MBNL1: variants seen among roughly 807,000 people sequenced by gnomAD.
The protein encoded by MBNL1 is muscleblind-like protein 1.
In MBNL1, 8 loss-of-function variants were observed where a neutral mutation model predicts 42.2. The observed-to-expected ratio is 0.19, with a 90% CI of 0.11 to 0.34. MBNL1 has a LOEUF of 0.34. MBNL1 is among the 10% of genes least tolerant of loss of function. The probability of loss-of-function intolerance (pLI) is 1.00; values close to 1 mark genes in which losing one functional copy is unlikely to be tolerated. For missense variants in MBNL1, 309 were observed against 495.3 expected, an observed-to-expected ratio of 0.62 and a Z score of 3.57; for synonymous variants, 169 against 173.9, an observed-to-expected ratio of 0.97 and a Z score of 0.22.
intron 3 of MBNL1, among the ~76,000 whole-genome samples, chr3:152,428,066 C>A (rs2098958491): frequency 6.6e-6 from 1 of 151,078 alleles, no homozygotes; most frequent in Admixed American, 6.6e-5. Flanking sequence ...AATTGCAAAA[C>A]AAAAGGAAAA....
rs919389934 is a variant in MBNL1 at position 152,463,639 on chromosome 3, T to A, written c.*1273T>A. 1.3e-5 allele frequency: 2 copies of A among 152,552 alleles called. No homozygotes were observed. The highest frequency in any genetic ancestry group is 4.8e-5 in the African/African-American group (2 of 41,458). The allele number at this position is 152,552 out of a possible 1,614,324, so 9.4% of individuals were successfully genotyped here. On this transcript the variant is annotated 3_prime_UTR_variant, in exon 10 of 10. Coordinates refer to ENST00000324210, the MANE Select transcript of MBNL1 (RefSeq NM_021038.5). ...TTTTATATGTGATTTTTGTTTTGTT[T>A]TGTTTTGTTCAGATTAACTGCTTAT...
chr3:152,317,092 CA>C (rs551091987), intron 2 of MBNL1, among the ~76,000 whole-genome samples: 1 of 151,246 alleles, frequency 6.6e-6, no homozygotes, highest in Non-Finnish European at 1.5e-5. Flanking sequence ...AAAAAGCAAA[CA>C]AAAAAAAGCT....
At chr3:152,277,648 A>T (rs1273944661) in intron 1 of MBNL1, among the ~76,000 whole-genome samples, 2 of 152,246 alleles carry the variant, frequency 1.3e-5, no homozygotes, top group East Asian at 3.9e-4. Flanking sequence ...TAGAATAGAA[A>T]GCTTTATTGG....
At chr3:152,415,803 T>C (rs937402515) in intron 3 of MBNL1, among the ~76,000 whole-genome samples, 1 of 152,314 alleles carries the variant, frequency 6.6e-6, no homozygotes, top group Middle Eastern at 3.4e-3. Flanking sequence ...AAACACACAT[T>C]TCTATTTAAC....
chr3:152,438,910 A>G (rs1307149730), intron 4 of MBNL1, among the ~76,000 whole-genome samples: 1 of 152,330 alleles, frequency 6.6e-6, no homozygotes, highest in Non-Finnish European at 1.5e-5. Context: ...TTCATATTAC[A>G]TAGGCGTAAT....
intron 1 of MBNL1, among the ~76,000 whole-genome samples, chr3:152,282,848 A>G (rs1187710361): frequency 6.6e-6 from 1 of 152,196 alleles, no homozygotes; most frequent in African/African-American, 2.4e-5. Flanking sequence ...AACAAGAGAA[A>G]TAGCATCACA....
At chr3:152,335,439 T>C (rs1432414305) in intron 2 of MBNL1, among the ~76,000 whole-genome samples, 3 of 152,242 alleles carry the variant, frequency 2.0e-5, no homozygotes, top group African/African-American at 7.2e-5. Context: ...TATTCTCTGC[T>C]TCACTACTTG....
intron 3 of MBNL1, among the ~76,000 whole-genome samples, chr3:152,420,902 A>C (rs529591785): frequency 1.3e-5 from 2 of 152,328 alleles, no homozygotes; most frequent in South Asian, 4.1e-4. Context: ...TAACTGAATA[A>C]CCAGTTTAGA....
At position 152,328,518 on chromosome 3, in the gene MBNL1, A is replaced by C. The variant is rs184307194; in HGVS notation, c.174+28151A>C. ...GTGATATAGCTGTTCTAGATATTTG[A>C]GATTAGGGTTGAGGCAAATTGTTGA... is the stretch of plus-strand genomic sequence containing the variant. On this transcript the variant is annotated intron_variant, in intron 2 of 9. Transcript: ENST00000324210. 1.7e-3 allele frequency among the ~76,000 whole-genome samples: 257 copies of C among 152,262 alleles called. 2 individuals carry two copies. The highest frequency in any genetic ancestry group is 0.013 in the Admixed American group (204 of 15,298).
At chr3:152,340,661 G>C (rs751160713) in intron 2 of MBNL1, 1 of 1,614,006 alleles carries the variant, frequency 6.2e-7, no homozygotes, top group African/African-American at 1.3e-5. Context: ...CAGAGTGTTA[G>C]AATCTTATTC....
At chr3:152,313,053 C>T (rs900895131) in intron 2 of MBNL1, among the ~76,000 whole-genome samples, 16 of 150,736 alleles carry the variant, frequency 1.1e-4, no homozygotes, top group African/African-American at 3.9e-4. Flanking sequence ...GACGGAGTCT[C>T]GCCCTTTCAC....
At position 152,364,777 on chromosome 3, in the gene MBNL1, TGA is replaced by T. The variant is rs1578743940; in HGVS notation, c.175-50157_175-50156del. Among the ~76,000 whole-genome samples the T allele has an allele frequency of 4.6e-5, 7 of 152,062 alleles. No individual in the cohort carries two copies. In the East Asian group the frequency reaches 1.2e-3, roughly 25 times the overall value. The stretch of plus-strand genomic sequence containing the variant: ...GGGAAAAAAAATTGGTCAGATACTG[TGA>T]GAGAGATTTCAAAAGAATAGGGAGT... On this transcript the variant is annotated intron_variant, in intron 2 of 9. Transcript: ENST00000324210.
intron 2 of MBNL1, among the ~76,000 whole-genome samples, chr3:152,353,145 C>G (rs1003774577): frequency 6.6e-6 from 1 of 152,178 alleles, no homozygotes; most frequent in African/African-American, 2.4e-5. Context: ...AAACACACCT[C>G]AGTCTCAGAA....
At chr3:152,276,792 A>T (rs1206349657) in intron 1 of MBNL1, among the ~76,000 whole-genome samples, 1 of 152,146 alleles carries the variant, frequency 6.6e-6, no homozygotes, top group African/African-American at 2.4e-5. Context: ...TTAGGGTAGT[A>T]ACCTTACAGG....
intron 9 of MBNL1, among the ~76,000 whole-genome samples, chr3:152,460,129 CTG>C (rs1188424733): frequency 1.3e-5 from 2 of 151,828 alleles, no homozygotes; most frequent in Non-Finnish European, 2.9e-5. Flanking sequence ...GTAGCACACT[CTG>C]TAGTTCCAGC....
chr3:152,271,666 G>A (rs73026353), intron 1 of MBNL1, among the ~76,000 whole-genome samples: 21 of 152,272 alleles, frequency 1.4e-4, no homozygotes, highest in African/African-American at 4.8e-4. Context: ...AGTCAAAAGA[G>A]TGGAGGAAAG....
intron 1 of MBNL1, among the ~76,000 whole-genome samples, chr3:152,278,997 G>C (rs549017981): frequency 1.3e-5 from 2 of 152,160 alleles, no homozygotes; most frequent in African/African-American, 4.8e-5. Flanking sequence ...GGAAGTTTTT[G>C]TGGAACTGAA....
At chr3:152,352,878 T>C (rs2095181389) in intron 2 of MBNL1, among the ~76,000 whole-genome samples, 1 of 152,256 alleles carries the variant, frequency 6.6e-6, no homozygotes, top group Non-Finnish European at 1.5e-5. Context: ...ATAGCTGTTT[T>C]AATTTGGACA....
chr3:152,370,285 G>A (rs2096602401), intron 2 of MBNL1, among the ~76,000 whole-genome samples: 1 of 152,140 alleles, frequency 6.6e-6, no homozygotes, highest in Non-Finnish European at 1.5e-5. Flanking sequence ...GGAGCAGGTT[G>A]TTCAGTTGCC....
Sources: allele counts gnomAD v4.1 joint callset (sites outside exome capture counted in the v4.1 genomes callset), GRCh38; gene constraint gnomAD v4.1.1; transcripts MANE v1.5; gene names NCBI Gene and HGNC (gene_info 2026-07-23, HGNC 2026-07-21).